L3MBTL4: variants seen among roughly 807,000 people sequenced by gnomAD.
L3MBTL4 encodes L3MBTL histone methyl-lysine binding protein 4.
In L3MBTL4, 70 loss-of-function variants were observed where a neutral mutation model predicts 84.5. That is an observed-to-expected ratio of 0.83 (90% confidence interval 0.68 to 1.01). The LOEUF (loss-of-function observed/expected upper bound fraction) is 1.01. L3MBTL4 is among the 50% of genes least tolerant of loss of function. The pLI is 0.00. For missense variants in L3MBTL4, 715 were observed against 754.8 expected (o/e 0.95, Z 0.62); for synonymous variants, 274 against 259.8 (o/e 1.05, Z -0.52).
At chr18:6,123,606 C>T (rs2059596075) in intron 14 of L3MBTL4, among the ~76,000 whole-genome samples, 1 of 152,202 alleles carries the variant, frequency 6.6e-6, no homozygotes, top group African/African-American at 2.4e-5. Flanking sequence ...TCCATTAAAC[C>T]TCCTTTTCTT....
At chr18:6,235,690 T>C (rs974894322) in intron 10 of L3MBTL4, among the ~76,000 whole-genome samples, 14 of 152,164 alleles carry the variant, frequency 9.2e-5, no homozygotes, top group Non-Finnish European at 2.1e-4. Context: ...TGGACGGGTA[T>C]AGGGAATGTC....
chr18:5,973,731 T>C (rs1429620998), intron 16 of L3MBTL4, among the ~76,000 whole-genome samples: 1 of 152,144 alleles, frequency 6.6e-6, no homozygotes, highest in Non-Finnish European at 1.5e-5. Context: ...GATAAGGATG[T>C]TTGCCACAAT....
chr18:6,156,699 G>A (rs1201293156), intron 13 of L3MBTL4, among the ~76,000 whole-genome samples: 2 of 152,142 alleles, frequency 1.3e-5, no homozygotes, highest in East Asian at 1.9e-4. Context: ...AGAATCTGGC[G>A]AGCCTTACTG....
chr18:6,154,893 C>T (rs1170930810), intron 13 of L3MBTL4, among the ~76,000 whole-genome samples: 1 of 152,074 alleles, frequency 6.6e-6, no homozygotes, highest in Non-Finnish European at 1.5e-5. Context: ...TTCTAATGAC[C>T]TCCATTACAA....
intron 14 of L3MBTL4, among the ~76,000 whole-genome samples, chr18:6,105,934 A>G (rs1417365107): frequency 1.3e-5 from 2 of 152,184 alleles, no homozygotes; most frequent in Admixed American, 1.3e-4. Context: ...ACACAACTTG[A>G]TTAGTCTAAT....
intron 14 of L3MBTL4, among the ~76,000 whole-genome samples, chr18:6,129,307 T>G (rs1398121512): frequency 1.3e-5 from 2 of 152,046 alleles, no homozygotes; most frequent in Non-Finnish European, 2.9e-5. Context: ...TGTTGTAGTA[T>G]TATTATTTTG....
At chr18:6,318,861 A>C (rs1341013466) in intron 1 of L3MBTL4, among the ~76,000 whole-genome samples, 1 of 152,148 alleles carries the variant, frequency 6.6e-6, no homozygotes, top group Non-Finnish European at 1.5e-5. Flanking sequence ...GCATTCTCCA[A>C]GATAGACCAT....
intron 16 of L3MBTL4, chr18:6,029,445 C>T (rs1005983463): frequency 4.1e-6 from 4 of 965,668 alleles, no homozygotes; most frequent in Non-Finnish European, 3.7e-6. Context: ...AAAAAAATTA[C>T]AAATTAGAAG....
intron 16 of L3MBTL4, among the ~76,000 whole-genome samples, chr18:6,037,962 T>C (rs868304982): frequency 6.6e-6 from 1 of 152,100 alleles, no homozygotes; most frequent in Non-Finnish European, 1.5e-5. Flanking sequence ...AAGAAGTTGA[T>C]AGGATAACTT....
intron 14 of L3MBTL4, among the ~76,000 whole-genome samples, chr18:6,128,762 G>T (rs1243591664): frequency 6.6e-6 from 1 of 152,086 alleles, no homozygotes; most frequent in Non-Finnish European, 1.5e-5. Flanking sequence ...TCCAAGCCAG[G>T]AATAGAAGCT....
intron 1 of L3MBTL4, among the ~76,000 whole-genome samples, chr18:6,410,936 G>C (rs780133274): frequency 2.0e-5 from 3 of 152,136 alleles, no homozygotes; most frequent in Non-Finnish European, 4.4e-5. Flanking sequence ...CCTCCATTAC[G>C]GCGACATCAT....
At chr18:6,131,807 A>G (rs1240883098) in intron 14 of L3MBTL4, among the ~76,000 whole-genome samples, 1 of 152,240 alleles carries the variant, frequency 6.6e-6, no homozygotes, top group Non-Finnish European at 1.5e-5. Context: ...GTACTGAAGA[A>G]CAACACTTTT....
intron 16 of L3MBTL4, among the ~76,000 whole-genome samples, chr18:6,016,466 A>T (rs2054985727): frequency 1.3e-5 from 2 of 152,188 alleles, no homozygotes; most frequent in Non-Finnish European, 2.9e-5. Context: ...GGACTAGCTC[A>T]GTATCTCTAA....
chr18:6,242,716 CG>C (rs2047503675), intron 7 of L3MBTL4, among the ~76,000 whole-genome samples: 1 of 152,198 alleles, frequency 6.6e-6, no homozygotes, highest in South Asian at 2.1e-4. Context: ...GATATGAGCC[CG>C]TCAGCATCAT....
intron 13 of L3MBTL4, among the ~76,000 whole-genome samples, chr18:6,156,748 G>A (rs1439185649): frequency 1.3e-5 from 2 of 152,140 alleles, no homozygotes; most frequent in Non-Finnish European, 2.9e-5. Context: ...TAGAAGGGAC[G>A]GGCTATTGTA....
intron 16 of L3MBTL4, among the ~76,000 whole-genome samples, chr18:6,074,104 A>G (rs1467032964): frequency 6.6e-6 from 1 of 151,894 alleles, no homozygotes; most frequent in Non-Finnish European, 1.5e-5. Flanking sequence ...TGCCAGCATC[A>G]CTTTCTGTGG....
At position 6,294,137 on chromosome 18, in the gene L3MBTL4, G is replaced by C. The variant is rs111976688; in HGVS notation, c.127+7766C>G. Among the ~76,000 whole-genome samples, 1,399 of 152,038 alleles carry C rather than the reference G, an allele frequency of 9.2e-3. 20 individuals are homozygous for C. The highest frequency in any genetic ancestry group is 0.031 in the African/African-American group (1,301 of 41,438). ...AATGTATCGGGGGTGATGAGGTATCGGATTGACAACTTACTCTCTAATTCA... is the reference window on the plus strand; with the variant it reads ...AATGTATCGGGGGTGATGAGGTATCCGATTGACAACTTACTCTCTAATTCA... On this transcript the variant is annotated intron_variant, in intron 4 of 18. Transcript: ENST00000317931.
chr18:6,146,309 G>T (rs1427316418), intron 13 of L3MBTL4, among the ~76,000 whole-genome samples: 1 of 152,238 alleles, frequency 6.6e-6, no homozygotes, highest in Non-Finnish European at 1.5e-5. Context: ...TACAGCTGGG[G>T]CTAGGTGAGC....
intron 16 of L3MBTL4, among the ~76,000 whole-genome samples, chr18:6,023,098 C>G (rs2055344580): frequency 6.6e-6 from 1 of 152,180 alleles, no homozygotes; most frequent in Non-Finnish European, 1.5e-5. Flanking sequence ...GGCCAGAGCT[C>G]AATACAGTGA....
Sources: gnomAD v4.1 joint callset for allele counts (sites outside exome capture counted in the v4.1 genomes callset) on GRCh38, gnomAD v4.1.1 for gene constraint, MANE v1.5 for transcripts, NCBI Gene and HGNC (gene_info 2026-07-23, HGNC 2026-07-21) for gene names.